Variants in LARP6 observed in about 807,000 individuals in gnomAD.
The protein encoded by LARP6 is La ribonucleoprotein 6, translational regulator, also known as la-related protein 6.
LARP6 carries 18 observed loss-of-function variants against 32.8 expected under a neutral mutation model. That is an observed-to-expected ratio of 0.55 (90% CI 0.38 to 0.81). The LOEUF is 0.81. Among genes scored for constraint, LARP6 ranks in the 40% least tolerant of loss-of-function variants. LARP6 has a pLI of 0.00. For synonymous variants in LARP6, 289 were observed against 267.2 expected, an observed-to-expected ratio of 1.08 and a Z score of -0.80; for missense variants, 598 against 663.1, an observed-to-expected ratio of 0.90 and a Z score of 1.08.
At chr15:70,837,397 A>T (rs80050808) in intron 1 of LARP6, among the ~76,000 whole-genome samples, 2,273 of 152,040 alleles carry the variant, frequency 0.015, 50 homozygotes, top group African/African-American at 0.044. Context: ...TAATAATAAT[A>T]ATAATTATTA....
intron 1 of LARP6, among the ~76,000 whole-genome samples, chr15:70,842,166 C>G (rs2032269798): frequency 1.3e-5 from 2 of 152,126 alleles, no homozygotes; most frequent in Non-Finnish European, 1.5e-5. Context: ...CCATCTCAGC[C>G]TCCCAAGTAG....
At chr15:70,840,912 CTTTTTTT>C (rs71438504) in intron 1 of LARP6, among the ~76,000 whole-genome samples, 1 of 139,494 alleles carries the variant, frequency 7.2e-6, no homozygotes, top group Non-Finnish European at 1.5e-5. Flanking sequence ...TCTTTTCTCT[CTTTTTTT>C]TTTTTTTTTT....
intron 1 of LARP6, among the ~76,000 whole-genome samples, chr15:70,838,327 T>G (rs1595951611): frequency 6.6e-6 from 1 of 152,234 alleles, no homozygotes; most frequent in East Asian, 1.9e-4. Flanking sequence ...GACAATTCAA[T>G]GAATTAATAC....
intron 1 of LARP6, among the ~76,000 whole-genome samples, chr15:70,843,812 C>A (rs543746843): frequency 1.3e-5 from 2 of 151,436 alleles, no homozygotes; most frequent in South Asian, 4.2e-4. Flanking sequence ...CACGCTGCCA[C>A]GCCCGGCTAA....
At chr15:70,843,441 A>C (rs1212342788) in intron 1 of LARP6, among the ~76,000 whole-genome samples, 1 of 152,114 alleles carries the variant, frequency 6.6e-6, no homozygotes, top group Non-Finnish European at 1.5e-5. Flanking sequence ...TCAGCCATTT[A>C]ATTCTTAGGA....
rs140505968 is a variant in LARP6 at position 70,833,091 on chromosome 15, C to T, written c.437G>A (p.Arg146Lys). The change falls in exon 3 of 3, where the codon AGA (arginine) becomes AAA (lysine). Residue 146 changes from arginine to lysine, a missense_variant. Physicochemically the swap from Arg to Lys is conservative, Grantham distance 26 (BLOSUM62 2). This residue lies in a region of LARP6 where 69 missense variants were observed against 116.7 expected (regional missense o/e 0.59). Transcript: ENST00000299213. ...KKVKHLTRDW[R>K]TTAHALKYSV... is the part of the protein sequence containing the mutation. ...ATACTTCAAAGCATGTGCTGTGGTTCTCCAGTCCCGTGTAAGATGTTTCAC... is the reference window on the plus strand; with the variant it reads ...ATACTTCAAAGCATGTGCTGTGGTTTTCCAGTCCCGTGTAAGATGTTTCAC... 568 of 1,614,048 alleles carry T rather than the reference C, an allele frequency of 3.5e-4. No individual in the cohort carries two copies. The highest frequency in any genetic ancestry group is 4.4e-4 in the Non-Finnish European group (516 of 1,179,960).
intron 1 of LARP6, chr15:70,853,214 A>ACCCCCCAC (rs2032527150): frequency 9.9e-6 from 1 of 100,848 alleles, no homozygotes; most frequent in Non-Finnish European, 2.1e-5. Context: ...ACCCAGGAAC[A>ACCCCCCAC]CCCCCCCCCC....
rs1272889214 is a variant in LARP6 at position 70,854,007 on chromosome 15, C to A, written c.82G>T (p.Val28Leu). ...TCCTCCTCGTCCTCCAACTCGTCCA[C>A]GTCCTCGGCCTCCTGGATGGCGACG... ...IRVAIQEAED[V>L]DELEDEEEGA... Residue 28 changes from valine (V) to leucine (L), a missense_variant, in exon 1 of 3, where the codon GTG (valine) becomes TTG (leucine). Physicochemically the swap from Val to Leu is conservative, Grantham distance 32. This residue lies in a region of LARP6 where 161 missense variants were observed against 148.6 expected (regional missense o/e 1.08). Coordinates refer to ENST00000299213, the MANE Select transcript of LARP6 (RefSeq NM_018357.4). 1 of 1,459,426 alleles carries A rather than the reference C, an allele frequency of 6.9e-7. No individual in the cohort carries two copies. Among genetic ancestry groups the A allele is most frequent in the South Asian group, 1.3e-5 (1 of 75,042 alleles). 90.4% of individuals were successfully genotyped at this position (1,459,426 alleles called of 1,614,324 possible).
rs1045589901 is a variant in LARP6 at position 70,830,349 on chromosome 15, C to T, written c.*1703G>A. 8 of 152,226 alleles carry T rather than the reference C, an allele frequency of 5.3e-5. No homozygotes were observed. Among genetic ancestry groups the T allele is most frequent in the Admixed American group, 2.0e-4 (3 of 15,284 alleles). The allele number at this position is 152,226 out of a possible 1,614,324, so 9.4% of individuals were successfully genotyped here. A position where few individuals can be genotyped will look rare whatever the true frequency, so the allele number is the denominator to read the frequency against. On this transcript the variant is annotated 3_prime_UTR_variant, in exon 3 of 3. Coordinates refer to ENST00000299213, the MANE Select transcript of LARP6 (RefSeq NM_018357.4). ...TCAGCAGCTGCATGTGTGATACTGG[C>T]ATAATAATTCCTTATGATGGACACT...
intron 1 of LARP6, chr15:70,851,526 A>G: frequency 6.7e-7 from 1 of 1,502,078 alleles, no homozygotes; most frequent in Non-Finnish European, 9.0e-7. Context: ...AAGGAATAAG[A>G]TAAGGCAGCT....
In LARP6 at chr15:70,832,463, G is replaced by A. The variant is rs781281490; in HGVS notation, c.1065C>T (p.His355=). The A allele has an allele frequency of 8.4e-6, 13 of 1,551,526 alleles. No individual in the cohort carries two copies. The highest frequency in any genetic ancestry group is 5.9e-5 in the Admixed American group (3 of 50,512). ...NPTSPMAGRR[H]AATNKLSPSG... Reference sequence around the variant, plus strand: ...ACGGGCTGAGCTTGTTGGTGGCCGCGTGCCGTCGGCCCGCCATAGGGGATG... The same window carrying A: ...ACGGGCTGAGCTTGTTGGTGGCCGCATGCCGTCGGCCCGCCATAGGGGATG... Residue 355 remains histidine (H), a synonymous_variant, in exon 3 of 3, where the codon CAC becomes CAT. Coordinates refer to ENST00000299213, the MANE Select transcript of LARP6 (RefSeq NM_018357.4).
chr15:70,838,157 G>C (rs996233062), intron 1 of LARP6, among the ~76,000 whole-genome samples: 18 of 152,158 alleles, frequency 1.2e-4, no homozygotes, highest in Admixed American at 1.1e-3. Context: ...TCTGATTTTA[G>C]AGCATTTCAG....
intron 1 of LARP6, among the ~76,000 whole-genome samples, chr15:70,851,025 T>C (rs777596494): frequency 4.6e-5 from 7 of 152,116 alleles, no homozygotes; most frequent in Non-Finnish European, 1.0e-4. Context: ...AAGAAACAGC[T>C]GTAAAAGACA....
chr15:70,832,775 G>C lies in LARP6; in HGVS notation c.753C>G (p.Ser251Arg). 6.2e-7 allele frequency: 1 copy of C among 1,607,170 alleles called. No homozygotes were observed. Among genetic ancestry groups the C allele is most frequent in the African/African-American group, 1.3e-5 (1 of 74,762 alleles). The change falls in exon 3 of 3, where the codon AGC becomes AGG. Residue 251 changes from serine (S) to arginine (R), a missense_variant. Transcript: ENST00000299213. Reference protein sequence around the residue: ...PDIRRISSRYSQVGTQECAIV... With the variant: ...PDIRRISSRYRQVGTQECAIV... ...TGGCGCACTCCTGGGTCCCCACTTG[G>C]CTGTAGCGGCTGCTGATCCTCCGGA...
At position 70,853,970 on chromosome 15, in the gene LARP6, G is replaced by A; in HGVS notation, c.119C>T (p.Thr40Ile). 1 of 1,459,732 alleles carries A rather than the reference G, an allele frequency of 6.9e-7. No homozygotes were observed. The highest frequency in any genetic ancestry group is 9.1e-7 in the Non-Finnish European group (1 of 1,100,852). The allele number at this position is 1,459,732 out of a possible 1,614,324, so 90.4% of individuals were successfully genotyped here. A position where few individuals can be genotyped will look rare whatever the true frequency, so the allele number is the denominator to read the frequency against. ...CCGGGCCGGGTCCCCGGCGCCCCGA[G>A]TCTCCGCCCCCTCCTCCTCGTCCTC... is the stretch of plus-strand genomic sequence containing the variant. ...ELEDEEEGAE[T>I]RGAGDPARYL... Residue 40 changes from threonine to isoleucine, a missense_variant, in exon 1 of 3, where the codon ACT becomes ATT. By Grantham distance (89) the Thr-to-Ile change is moderately conservative. Transcript: ENST00000299213.
At chr15:70,838,912 CAA>C (rs1555422818) in intron 1 of LARP6, among the ~76,000 whole-genome samples, 5 of 102,892 alleles carry the variant, frequency 4.9e-5, no homozygotes, top group Admixed American at 9.1e-5. Flanking sequence ...CTCAGCCTCA[CAA>C]AAAAAAAAAA....
In LARP6 at chr15:70,830,669, G is replaced by A. The variant is rs2032024262; in HGVS notation, c.*1383C>T. 6.6e-6 allele frequency: 1 copy of A among 152,196 alleles called. No individual in the cohort carries two copies. The highest frequency in any genetic ancestry group is 1.5e-5 in the Non-Finnish European group (1 of 68,048). The allele number at this position is 152,196 out of a possible 1,614,324, so 9.4% of individuals were successfully genotyped here. ...ACATTTCTCTTGTAGTTTTTGGGCA[G>A]ATTAAATGAGATAATGCATGGAAAG... On this transcript the variant is annotated 3_prime_UTR_variant, in exon 3 of 3. Transcript: ENST00000299213.
rs764198749 is a variant in LARP6, at chr15:70,854,118, C to T, written c.-30G>A. 1.9e-5 allele frequency: 24 copies of T among 1,233,690 alleles called. No individual in the cohort carries two copies. In the South Asian group the frequency reaches 6.0e-4, roughly 31 times the overall value. The allele number at this position is 1,233,690 out of a possible 1,614,324, so 76.4% of individuals were successfully genotyped here. A position where few individuals can be genotyped will look rare whatever the true frequency, so the allele number is the denominator to read the frequency against. ...CGCGGGACTGCGGCGCCGCCGGGGT[C>T]CTCACGCCGCAAGGCCCAGCCAGCC... On this transcript the variant is annotated 5_prime_UTR_variant, in exon 1 of 3. Transcript: ENST00000299213.
Position 70,853,933 on chromosome 15 carries a change from G to A in LARP6, c.156C>T (p.Pro52=). The part of the protein sequence containing the change: ...GAGDPARYLS[P]GWGSASEEEP... ...CCTCCTCGCTCGCGCTGCCCCAGCC[G>A]GGGCTGAGGTACCGGGCCGGGTCCC... Residue 52 remains proline, a synonymous_variant, in exon 1 of 3, where the codon CCC becomes CCT. Coordinates refer to ENST00000299213, the MANE Select transcript of LARP6 (RefSeq NM_018357.4). The A allele has an allele frequency of 2.1e-6, 3 of 1,420,278 alleles. No homozygotes were observed. Among genetic ancestry groups the A allele is most frequent in the Non-Finnish European group, 2.8e-6 (3 of 1,080,948 alleles). The allele number at this position is 1,420,278 out of a possible 1,614,324, so 88.0% of individuals were successfully genotyped here. A position where few individuals can be genotyped will look rare whatever the true frequency, so the allele number is the denominator to read the frequency against.
Sources: gnomAD v4.1 joint callset for allele counts (sites outside exome capture counted in the v4.1 genomes callset) on GRCh38, gnomAD v4.1.1 for gene constraint, gnomAD v4.1.1 regional missense constraint, MANE v1.5 for transcripts, NCBI Gene and HGNC (gene_info 2026-07-23, HGNC 2026-07-21) for gene names.